The following ASCC3 variants were observed in gnomAD, a reference collection of about 807,000 sequenced individuals.
The protein encoded by ASCC3 is ASC-1 complex subunit P200.
A neutral mutation model predicts 256.3 loss-of-function variants in ASCC3; 158 were observed. The observed-to-expected ratio is 0.62, with a 90% CI of 0.54 to 0.70. The LOEUF is 0.70. Ranked by LOEUF, ASCC3 falls within the 30% of genes least tolerant of loss-of-function variation. The pLI is 0.00. For synonymous variants in ASCC3, 948 were observed against 883.4 expected, an observed-to-expected ratio of 1.07 and a Z score of -1.30; for missense variants, 2,259 against 2,626.0, an observed-to-expected ratio of 0.86 and a Z score of 3.05.
At chr6:100,568,659 T>C (rs2114719509) in intron 36 of ASCC3, among the ~76,000 whole-genome samples, 1 of 151,782 alleles carries the variant, frequency 6.6e-6, no homozygotes, top group Non-Finnish European at 1.5e-5. Flanking sequence ...GGTCTTTTAA[T>C]AGTTTCTTTT....
intron 26 of ASCC3, among the ~76,000 whole-genome samples, chr6:100,630,737 T>C (rs1418685768): frequency 6.6e-6 from 1 of 152,078 alleles, no homozygotes; most frequent in Admixed American, 6.5e-5. Flanking sequence ...TCTGCTTTTT[T>C]ACAAATAATT....
intron 3 of ASCC3, among the ~76,000 whole-genome samples, chr6:100,849,336 T>C (rs1178192193): frequency 6.6e-6 from 1 of 152,008 alleles, no homozygotes; most frequent in East Asian, 1.9e-4. Context: ...ATTTTAAAGA[T>C]TGATTTGATG....
At chr6:100,637,813 A>G (rs1254233867) in intron 25 of ASCC3, among the ~76,000 whole-genome samples, 1 of 152,188 alleles carries the variant, frequency 6.6e-6, no homozygotes, top group African/African-American at 2.4e-5. Flanking sequence ...TGATGATATA[A>G]CTGAATTGTT....
chr6:100,586,103 C>G (rs1246268983), intron 36 of ASCC3, among the ~76,000 whole-genome samples: 17 of 152,208 alleles, frequency 1.1e-4, no homozygotes, highest in African/African-American at 4.1e-4. Context: ...AACCACTGCT[C>G]TCTTCAAAGC....
chr6:100,733,548 G>A (rs997445909), intron 10 of ASCC3, among the ~76,000 whole-genome samples: 10 of 152,040 alleles, frequency 6.6e-5, no homozygotes, highest in African/African-American at 1.9e-4. Flanking sequence ...ATCAGACGCC[G>A]ATGCCCAATC....
At chr6:100,861,830 A>G (rs1773239305) in intron 3 of ASCC3, among the ~76,000 whole-genome samples, 2 of 152,132 alleles carry the variant, frequency 1.3e-5, no homozygotes. Context: ...AATGACTGGT[A>G]TTTAAAACAA....
chr6:100,649,323 T>C lies in ASCC3; in HGVS notation c.3252+1215A>G, dbSNP rs561709121. 8.6e-5 allele frequency among the ~76,000 whole-genome samples: 13 copies of C among 151,822 alleles called. No homozygotes were observed. The East Asian group carries it at 2.5e-3, about 29-fold the overall frequency. Reference sequence around the variant, plus strand: ...GAACCCAGTAAAACTTTACCTTTTATTTAAATGATTAACTATTTCAATATA... The same window carrying C: ...GAACCCAGTAAAACTTTACCTTTTACTTAAATGATTAACTATTTCAATATA... On this transcript the variant is annotated intron_variant, in intron 20 of 41. Transcript: ENST00000369162.
Position 100,761,606 on chromosome 6 carries a change from A to G in ASCC3, c.1737+4959T>C, listed in dbSNP as rs374272186. Among the ~76,000 whole-genome samples, 16 of 152,348 alleles carry G rather than the reference A, an allele frequency of 1.1e-4. No individual in the cohort carries two copies. In the South Asian group the frequency reaches 3.3e-3, roughly 32 times the overall value. The stretch of plus-strand genomic sequence containing the variant: ...AGACATTCTCAGATTTTATGCAGAA[A>G]GGCAGCAACTGCCAGTAAGAATTGG... On this transcript the variant is annotated intron_variant, in intron 10 of 41. Transcript: ENST00000369162.
intron 10 of ASCC3, among the ~76,000 whole-genome samples, chr6:100,762,670 T>G (rs1190006473): frequency 6.6e-6 from 1 of 152,188 alleles, no homozygotes; most frequent in Non-Finnish European, 1.5e-5. Context: ...AATTTTATAT[T>G]CAAACCTCAA....
intron 8 of ASCC3, among the ~76,000 whole-genome samples, chr6:100,775,659 C>CA (rs942458906): frequency 1.3e-5 from 2 of 151,824 alleles, no homozygotes; most frequent in African/African-American, 4.8e-5. Flanking sequence ...ATAGAAACAG[C>CA]AAGTTAAAAA....
rs532003783 is a variant in ASCC3, at chr6:100,670,720, G to A, written c.2287-8184C>T. Among the ~76,000 whole-genome samples the A allele has an allele frequency of 5.3e-5, 8 of 151,998 alleles. No homozygotes were observed. The South Asian group carries it at 1.5e-3, about 28-fold the overall frequency. On this transcript the variant is annotated intron_variant, in intron 14 of 41. Transcript: ENST00000369162. ...TGGAGGGCCATCTGTAACAACTGCT[G>A]GAGGAAGTATAAATTGGAACAATAT... is the stretch of plus-strand genomic sequence containing the variant.
At chr6:100,525,871 T>C (rs548021826) in intron 37 of ASCC3, among the ~76,000 whole-genome samples, 2 of 152,114 alleles carry the variant, frequency 1.3e-5, no homozygotes, top group South Asian at 2.1e-4. Flanking sequence ...GTTAAAACAT[T>C]AGTTGTTAGA....
intron 11 of ASCC3, among the ~76,000 whole-genome samples, chr6:100,724,501 G>C (rs950413171): frequency 6.6e-6 from 1 of 151,834 alleles, no homozygotes; most frequent in Admixed American, 6.6e-5. Context: ...AAGTCAAAAA[G>C]ACAGTGCCCA....
Position 100,516,238 on chromosome 6 carries a change from T to C in ASCC3, c.6017A>G (p.Lys2006Arg). ...TACCATGGAGCTAAATACATGGTCT[T>C]TCCCTCCACAGGCATGGATCAGTTC... ...LPELIHACGGKDHVFSSMVES... is the reference protein window; with the variant it reads ...LPELIHACGGRDHVFSSMVES... The change falls in exon 39 of 42, where the codon AAA becomes AGA. Residue 2006 changes from lysine (K) to arginine (R), a missense_variant. Around this residue, in one of 2 missense-constraint regions of ASCC3, gnomAD observed 1,839 missense variants for 2,206.7 expected, o/e 0.83. Transcript: ENST00000369162. 6.2e-7 allele frequency: 1 copy of C among 1,613,802 alleles called. No individual in the cohort carries two copies. Among genetic ancestry groups the C allele is most frequent in the Non-Finnish European group, 8.5e-7 (1 of 1,179,760 alleles).
At chr6:100,790,708 T>C (rs965348835) in intron 8 of ASCC3, among the ~76,000 whole-genome samples, 1 of 151,968 alleles carries the variant, frequency 6.6e-6, no homozygotes, top group African/African-American at 2.4e-5. Context: ...CTTTAAGTTT[T>C]TAATCTTCTC....
chr6:100,792,614 C>A (rs868472971), intron 8 of ASCC3, among the ~76,000 whole-genome samples: 3 of 151,862 alleles, frequency 2.0e-5, no homozygotes, highest in Non-Finnish European at 4.4e-5. Context: ...TATAGTCCAA[C>A]TATTTATATA....
intron 34 of ASCC3, 70 bp downstream of exon 34, chr6:100,601,740 A>G: frequency 6.4e-7 from 1 of 1,566,582 alleles, no homozygotes; most frequent in Non-Finnish European, 8.7e-7. Flanking sequence ...CTTAATTTGG[A>G]GTTTATTACT....
intron 34 of ASCC3, among the ~76,000 whole-genome samples, chr6:100,592,901 A>G (rs1388159028): frequency 6.6e-6 from 1 of 152,130 alleles, no homozygotes; most frequent in East Asian, 1.9e-4. Context: ...GATAAAACGT[A>G]GTTTTATGTT....
At chr6:100,583,630 C>T (rs985366381) in intron 36 of ASCC3, among the ~76,000 whole-genome samples, 1 of 152,176 alleles carries the variant, frequency 6.6e-6, no homozygotes, top group South Asian at 2.1e-4. Context: ...CTTCTGCAAG[C>T]TTTTGAATGT....
Sources: gnomAD v4.1 joint callset for allele counts (sites outside exome capture counted in the v4.1 genomes callset) on GRCh38, gnomAD v4.1.1 for gene constraint, gnomAD v4.1.1 regional missense constraint, MANE v1.5 for transcripts, NCBI Gene and HGNC (gene_info 2026-07-23, HGNC 2026-07-21) for gene names.